The following ZNF679 variants were observed in gnomAD, a reference collection of about 807,000 sequenced individuals.
The protein encoded by ZNF679 is hypothetical protein MGC42415.
A neutral mutation model predicts 13.4 loss-of-function variants in ZNF679; 10 were observed. The observed-to-expected ratio is 0.75, with a 90% CI of 0.46 to 1.27. The LOEUF (loss-of-function observed/expected upper bound fraction) is 1.27, where lower values mean the gene tolerates loss of function less well. Ranked by LOEUF, ZNF679 falls within the 50% of genes most tolerant of loss-of-function variation. The probability of loss-of-function intolerance (pLI) is 0.00; values close to 1 mark genes in which losing one functional copy is unlikely to be tolerated. For synonymous variants in ZNF679, 179 were observed against 162.5 expected, an observed-to-expected ratio of 1.10 and a Z score of -0.77; for missense variants, 525 against 477.8, an observed-to-expected ratio of 1.10 and a Z score of -0.92.
chr7:64,245,935 G>C (rs2116524233), intron 1 of ZNF679, among the ~76,000 whole-genome samples: 1 of 152,296 alleles, frequency 6.6e-6, no homozygotes, highest in Admixed American at 6.5e-5. Context: ...GAACCTGGGA[G>C]GCAGAGGTTG....
In ZNF679 at chr7:64,266,884, G is replaced by A. The variant is rs1301940544; in HGVS notation, c.*15G>A. 2 of 1,539,010 alleles carry A rather than the reference G, an allele frequency of 1.3e-6. No individual in the cohort carries two copies. The highest frequency in any genetic ancestry group is 2.8e-5 in the African/African-American group (2 of 72,078). ...AATGTGAATAATGTGATAAAGTCCA[G>A]CCTTCAGACCTTATAATACATAAAA... On this transcript the variant is annotated 3_prime_UTR_variant, in exon 5 of 5. Transcript: ENST00000421025.
intron 1 of ZNF679, among the ~76,000 whole-genome samples, chr7:64,234,523 T>C (rs1787682580): frequency 6.6e-6 from 1 of 152,138 alleles, no homozygotes; most frequent in Admixed American, 6.5e-5. Flanking sequence ...AGGATCCCAG[T>C]CCTACAACCA....
intron 1 of ZNF679, among the ~76,000 whole-genome samples, chr7:64,229,158 C>T (rs1055435984): frequency 6.6e-6 from 1 of 152,038 alleles, no homozygotes; most frequent in African/African-American, 2.4e-5. Context: ...GTGAGCTGGG[C>T]CCAGAAATGA....
chr7:64,265,347 C>CT (rs1177502825), intron 4 of ZNF679, among the ~76,000 whole-genome samples: 1 of 152,110 alleles, frequency 6.6e-6, no homozygotes, highest in African/African-American at 2.4e-5. Flanking sequence ...CATGTTTCTT[C>CT]TTACCAGTAG....
intron 1 of ZNF679, among the ~76,000 whole-genome samples, chr7:64,245,116 C>T (rs1584229511): frequency 1.3e-5 from 2 of 152,144 alleles, no homozygotes; most frequent in African/African-American, 4.8e-5. Flanking sequence ...ACCTCTGCTT[C>T]CCAAGTTCAA....
chr7:64,231,565 A>G (rs1787639455), intron 1 of ZNF679, among the ~76,000 whole-genome samples: 1 of 152,192 alleles, frequency 6.6e-6, no homozygotes, highest in Non-Finnish European at 1.5e-5. Flanking sequence ...GGGCTCATTA[A>G]TATGTCACAA....
In ZNF679 at chr7:64,265,891, T is replaced by G. The variant is rs749517477; in HGVS notation, c.263-5T>G. On this transcript the variant is annotated splice_region_variant and splice_polypyrimidine_tract_variant and intron_variant, in intron 4 of 4. Transcript: ENST00000421025. ...GAAGTAACTTGTGATTTTTATGTCT[T>G]TCAGTTATGTGTTCTCATTTCACCC... The G allele has an allele frequency of 3.7e-6, 6 of 1,610,210 alleles. No individual in the cohort carries two copies. The highest frequency in any genetic ancestry group is 5.1e-6 in the Non-Finnish European group (6 of 1,178,626).
At chr7:64,236,252 G>A (rs111298998) in intron 1 of ZNF679, among the ~76,000 whole-genome samples, 5,203 of 152,024 alleles carry the variant, frequency 0.034, 166 homozygotes, top group East Asian at 0.16. Flanking sequence ...GCAACAGGAT[G>A]AGACTCTGTC....
At chr7:64,265,850 T>A (rs1350613669) in intron 4 of ZNF679, 46 bp from the exon 5 acceptor site, 1 of 1,579,604 alleles carries the variant, frequency 6.3e-7, no homozygotes, top group Non-Finnish European at 8.6e-7. Flanking sequence ...AGTATATCTA[T>A]CTGGGTGTAG....
intron 4 of ZNF679, among the ~76,000 whole-genome samples, chr7:64,261,884 G>A (rs796715661): frequency 3.5e-4 from 49 of 138,992 alleles, no homozygotes; most frequent in African/African-American, 1.3e-3. Context: ...TTGAGACTGA[G>A]TTTCACTCTT....
At chr7:64,265,874 T>C in intron 4 of ZNF679, 22 bp from the exon 5 acceptor site, 1 of 1,605,516 alleles carries the variant, frequency 6.2e-7, no homozygotes, top group Non-Finnish European at 8.5e-7. Context: ...GTGAAGTAAC[T>C]TGTGATTTTT....
rs1248390166 is a variant in ZNF679 at position 64,263,641 on chromosome 7, G to A, written c.263-2255G>A. 2.0e-5 allele frequency among the ~76,000 whole-genome samples: 3 copies of A among 152,058 alleles called. No homozygotes were observed. The East Asian group carries it at 5.8e-4, about 29-fold the overall frequency. ...GTTCTCCCTCTATTAATTCACATGA[G>A]AGCTGGTTGCTTAAAGGAACATGGC... On this transcript the variant is annotated intron_variant, in intron 4 of 4. Coordinates refer to ENST00000421025, the MANE Select transcript of ZNF679 (RefSeq NM_153363.3).
intron 1 of ZNF679, among the ~76,000 whole-genome samples, chr7:64,233,105 G>T (rs1183649148): frequency 6.6e-6 from 1 of 152,038 alleles, no homozygotes; most frequent in Non-Finnish European, 1.5e-5. Flanking sequence ...GCTGGGAGTG[G>T]TGGTATGCAC....
chr7:64,251,136 C>A (rs529011474), intron 2 of ZNF679, among the ~76,000 whole-genome samples: 9 of 152,152 alleles, frequency 5.9e-5, no homozygotes, highest in South Asian at 4.1e-4. Flanking sequence ...AAAAAAGTTT[C>A]CCGTTTATAA....
chr7:64,246,312 T>G (rs1787868946), intron 1 of ZNF679, among the ~76,000 whole-genome samples: 1 of 152,190 alleles, frequency 6.6e-6, no homozygotes, highest in Non-Finnish European at 1.5e-5. Context: ...GGCGATTCAG[T>G]CTATTTCCTT....
At chr7:64,238,843 A>T (rs973422494) in intron 1 of ZNF679, among the ~76,000 whole-genome samples, 2 of 152,098 alleles carry the variant, frequency 1.3e-5, no homozygotes, top group Admixed American at 1.3e-4. Flanking sequence ...CTGCCCATAG[A>T]TCCCCACAGT....
Position 64,266,623 on chromosome 7 carries a change from C to A in ZNF679, c.990C>A (p.Gly330=), listed in dbSNP as rs757855177. 6.2e-7 allele frequency: 1 copy of A among 1,610,456 alleles called. No homozygotes were observed. Among genetic ancestry groups the A allele is most frequent in the Admixed American group, 1.7e-5 (1 of 59,900 alleles). The change falls in exon 5 of 5, where the codon GGC becomes GGA. Residue 330 remains glycine (G), a synonymous_variant. Transcript: ENST00000421025. ...GEKPYTCEEC[G]KAFNCSSTLK... Reference sequence around the variant, plus strand: ...AACCCTACACATGTGAAGAATGTGGCAAAGCCTTTAACTGCTCCTCAACCC... The same window carrying A: ...AACCCTACACATGTGAAGAATGTGGAAAAGCCTTTAACTGCTCCTCAACCC...
intron 1 of ZNF679, among the ~76,000 whole-genome samples, chr7:64,245,955 A>G (rs1787864093): frequency 6.6e-6 from 1 of 152,100 alleles, no homozygotes; most frequent in African/African-American, 2.4e-5. Flanking sequence ...GCAGTGAGCC[A>G]AGATCTCACG....
intron 4 of ZNF679, among the ~76,000 whole-genome samples, chr7:64,262,007 C>T (rs1162629169): frequency 6.6e-6 from 1 of 151,982 alleles, no homozygotes; most frequent in African/African-American, 2.4e-5. Context: ...TAGGAATGTG[C>T]CACCATGCCT....
Sources: gnomAD v4.1 joint callset for allele counts (sites outside exome capture counted in the v4.1 genomes callset) on GRCh38, gnomAD v4.1.1 for gene constraint, MANE v1.5 for transcripts, NCBI Gene and HGNC (gene_info 2026-07-23, HGNC 2026-07-21) for gene names.